USP50: variants seen among roughly 807,000 people sequenced by gnomAD.
The protein encoded by USP50 is ubiquitin carboxyl-terminal hydrolase 50.
Under a neutral mutation model 39.2 loss-of-function variants are expected in USP50, and 37 were observed. That is an observed-to-expected ratio of 0.94 (90% CI 0.73 to 1.24). The LOEUF is 1.24. USP50 is among the 50% of genes most tolerant of loss of function. The pLI is 0.00. For synonymous variants in USP50, 139 were observed against 144.5 expected, an observed-to-expected ratio of 0.96 and a Z score of 0.27; for missense variants, 374 against 398.2, an observed-to-expected ratio of 0.94 and a Z score of 0.52.
At chr15:50,544,880 T>C in intron 1 of USP50, 99 bp from the exon 2 acceptor site, 1 of 1,147,712 alleles carries the variant, frequency 8.7e-7, no homozygotes, top group East Asian at 2.6e-5. Flanking sequence ...AGAAGAGTTC[T>C]TAATAAGACT....
intron 6 of USP50, chr15:50,511,271 A>T (rs1326963097): frequency 1.3e-5 from 2 of 152,220 alleles, no homozygotes; most frequent in Admixed American, 6.5e-5. Flanking sequence ...GAGAGGCAGT[A>T]ACAAGTTCGG....
At chr15:50,531,776 G>GCA (rs2052942442) in intron 5 of USP50, among the ~76,000 whole-genome samples, 2 of 152,072 alleles carry the variant, frequency 1.3e-5, no homozygotes, top group African/African-American at 2.4e-5. Flanking sequence ...AATGATGAGA[G>GCA]ACATCTAGTT....
At chr15:50,513,566 A>T (rs2052767950) in intron 6 of USP50, 1 of 151,730 alleles carries the variant, frequency 6.6e-6, no homozygotes, top group Admixed American at 6.6e-5. Flanking sequence ...ACAGAAGGTA[A>T]TTTAAAAATG....
intron 6 of USP50, among the ~76,000 whole-genome samples, chr15:50,516,250 CA>C (rs2052802644): frequency 6.6e-6 from 1 of 152,080 alleles, no homozygotes. Context: ...CAGAAAACTA[CA>C]AAATGGCAGT....
intron 6 of USP50, among the ~76,000 whole-genome samples, chr15:50,527,681 GC>G: frequency 6.6e-6 from 1 of 150,992 alleles, no homozygotes; most frequent in East Asian, 2.0e-4. Context: ...ACTCGCTCAG[GC>G]TAGAGTACAG....
chr15:50,520,319 G>C (rs1217450895), intron 6 of USP50, among the ~76,000 whole-genome samples: 3 of 106,444 alleles, frequency 2.8e-5, no homozygotes, highest in African/African-American at 9.8e-5. Flanking sequence ...TTTTTTTTTT[G>C]AGATAGGGTT....
chr15:50,495,274 ATATATACACATACATATATACATATATAC>A, intron 1 of USP50, among the ~76,000 whole-genome samples: 1 of 50,370 alleles, frequency 2.0e-5, no homozygotes, highest in African/African-American at 5.8e-5. Context: ...ATATACACAT[ATATATACACATACATATATACATATATAC>A]GTGTATATAT....
intron 6 of USP50, among the ~76,000 whole-genome samples, chr15:50,527,215 T>C (rs1221572370): frequency 6.6e-6 from 1 of 152,046 alleles, no homozygotes; most frequent in Admixed American, 6.6e-5. Context: ...CTTTTTTTTC[T>C]TTTTTCTGAG....
rs1055965773 is a variant in USP50 at position 50,538,561 on chromosome 15, T to C, written c.803+148A>G. The C allele has an allele frequency of 6.8e-6, 6 of 877,056 alleles. No homozygotes were observed. In the African/African-American group the frequency reaches 1.0e-4, roughly 15 times the overall value. 54.3% of individuals were successfully genotyped at this position (877,056 alleles called of 1,614,324 possible). ...TGGCACAGTTTTGTGTTATGCTGTA[T>C]ATATTTTATCACAATTTAAAAACAA... On this transcript the variant is annotated intron_variant, in intron 5 of 6. Coordinates refer to ENST00000532404, the MANE Select transcript of USP50 (RefSeq NM_203494.5).
intron 6 of USP50, among the ~76,000 whole-genome samples, chr15:50,525,521 T>G (rs2052882093): frequency 1.1e-5 from 1 of 87,468 alleles, no homozygotes; most frequent in African/African-American, 5.2e-5. Flanking sequence ...TATATATGTA[T>G]ATATGTATAT....
At chr15:50,496,483 A>G (rs2052414579), downstream of USP50, among the ~76,000 whole-genome samples, 2 of 144,306 alleles carry the variant, frequency 1.4e-5, no homozygotes, top group African/African-American at 5.3e-5. Flanking sequence ...TCCGTCTTAA[A>G]AAAAAAAAAA....
chr15:50,532,427 T>A (rs1206608803), intron 5 of USP50, among the ~76,000 whole-genome samples: 1 of 152,128 alleles, frequency 6.6e-6, no homozygotes, highest in African/African-American at 2.4e-5. Flanking sequence ...GTGGAGGGAC[T>A]GAGCAGCGCT....
Position 50,495,017 on chromosome 15 carries a change from T to TAA in USP50, n.185-889_185-888dup, listed in dbSNP as rs34381291. On this transcript the variant is annotated intron_variant and non_coding_transcript_variant, in intron 1 of 1. Transcript: ENST00000560159. ...CTGGGCGACAGAGTGAGACTCTTTC[T>TAA]AAAAAAAAAAAAAAAAAAAATTACT... Among the ~76,000 whole-genome samples, 735 of 113,508 alleles carry TAA rather than the reference T, an allele frequency of 6.5e-3. 3 individuals are homozygous for TAA. Among genetic ancestry groups the TAA allele is most frequent in the African/African-American group, 0.022 (654 of 30,266 alleles). 74.5% of individuals were successfully genotyped at this position (113,508 alleles called of 152,430 possible).
intron 5 of USP50, among the ~76,000 whole-genome samples, chr15:50,535,011 C>T (rs976034763): frequency 6.6e-6 from 1 of 151,928 alleles, no homozygotes; most frequent in Non-Finnish European, 1.5e-5. Context: ...TGTGGTGGCA[C>T]GCACCTGTAA....
chr15:50,539,249 C>A (rs559584888), intron 4 of USP50, among the ~76,000 whole-genome samples: 8 of 151,138 alleles, frequency 5.3e-5, no homozygotes, highest in African/African-American at 1.9e-4. Flanking sequence ...GCTGGGATTA[C>A]AAGTGCGCAC....
At chr15:50,544,521 T>C in intron 2 of USP50, 66 bp downstream of exon 2, 1 of 1,480,864 alleles carries the variant, frequency 6.8e-7, no homozygotes. Context: ...CAGAGTTCCT[T>C]CTCTAACCTC....
chr15:50,512,139 G>C (rs953154807), intron 6 of USP50: 2 of 151,936 alleles, frequency 1.3e-5, no homozygotes, highest in Non-Finnish European at 2.9e-5. Flanking sequence ...TTGAGGTCAG[G>C]AGTTCAAGAC....
chr15:50,521,134 C>T (rs1258752250), intron 6 of USP50, among the ~76,000 whole-genome samples: 11 of 152,120 alleles, frequency 7.2e-5, no homozygotes, highest in African/African-American at 2.4e-4. Context: ...CTCCACCTCC[C>T]TGGTGCAAGT....
chr15:50,536,328 T>C (rs369083199), intron 5 of USP50, among the ~76,000 whole-genome samples: 30 of 152,280 alleles, frequency 2.0e-4, no homozygotes, highest in African/African-American at 6.7e-4. Flanking sequence ...CACATCAGCT[T>C]TGAACAAATG....
Sources: allele counts gnomAD v4.1 joint callset (sites outside exome capture counted in the v4.1 genomes callset), GRCh38; gene constraint gnomAD v4.1.1; transcripts MANE v1.5; gene names NCBI Gene and HGNC (gene_info 2026-07-23, HGNC 2026-07-21).